The following SASH1 variants were observed in gnomAD, a reference collection of about 807,000 sequenced individuals.
The protein encoded by SASH1 is SAM and SH3 domain-containing protein 1.
Under a neutral mutation model 125.2 loss-of-function variants are expected in SASH1, and 44 were observed. The ratio of observed to expected loss-of-function variants is 0.35; its 90% CI spans 0.28 to 0.45. The LOEUF (loss-of-function observed/expected upper bound fraction) is 0.45. Ranked by LOEUF, SASH1 falls within the 20% of genes least tolerant of loss-of-function variation. SASH1 has a pLI of 1.00. For synonymous variants in SASH1, 639 were observed against 649.1 expected, an observed-to-expected ratio of 0.98 and a Z score of 0.24; for missense variants, 1,426 against 1,614.5, an observed-to-expected ratio of 0.88 and a Z score of 2.00.
chr6:148,250,892 C>T, the SASH1 span, among the ~76,000 whole-genome samples: 1 of 152,150 alleles, frequency 6.6e-6, no homozygotes, highest in Non-Finnish European at 1.5e-5. Flanking sequence ...TTACCAAATC[C>T]TGAACAGCTT....
chr6:148,330,317 T>A (rs994625045), intron 1 of SASH1, among the ~76,000 whole-genome samples: 10 of 152,220 alleles, frequency 6.6e-5, no homozygotes, highest in African/African-American at 2.4e-4. Context: ...TCTATGCACA[T>A]AACACGATGG....
intron 1 of SASH1, among the ~76,000 whole-genome samples, chr6:148,273,527 C>A (rs1779114210): frequency 6.6e-6 from 1 of 151,892 alleles, no homozygotes; most frequent in Non-Finnish European, 1.5e-5. Flanking sequence ...CTCCTGACCC[C>A]AGGTGATCCA....
chr6:148,418,305 G>C (rs1208860461), intron 2 of SASH1, among the ~76,000 whole-genome samples: 1 of 152,106 alleles, frequency 6.6e-6, no homozygotes, highest in African/African-American at 2.4e-5. Context: ...CTTTTCCCTG[G>C]CTGCCTACTC....
At chr6:148,461,775 GGA>G (rs1777622601) in intron 4 of SASH1, among the ~76,000 whole-genome samples, 1 of 152,192 alleles carries the variant, frequency 6.6e-6, no homozygotes, top group Non-Finnish European at 1.5e-5. Flanking sequence ...CTTAAACAGA[GGA>G]GATAGGTTTG....
At chr6:148,209,270 T>C in the SASH1 span, among the ~76,000 whole-genome samples, 2 of 152,238 alleles carry the variant, frequency 1.3e-5, no homozygotes, top group South Asian at 2.1e-4. Context: ...ATAGCTGAAT[T>C]CCTGTCCTGT....
At chr6:148,541,327 C>A (rs1483061863) in intron 17 of SASH1, among the ~76,000 whole-genome samples, 1 of 151,410 alleles carries the variant, frequency 6.6e-6, no homozygotes, top group Non-Finnish European at 1.5e-5. Flanking sequence ...CCTACTAAAG[C>A]AAACTTTTTT....
chr6:148,541,422 G>C (rs1342701100), intron 17 of SASH1, among the ~76,000 whole-genome samples: 2 of 151,972 alleles, frequency 1.3e-5, no homozygotes, highest in Non-Finnish European at 2.9e-5. Flanking sequence ...AGACAAAATA[G>C]AATACAAAAT....
At chr6:148,338,185 G>A (rs575633816), upstream of SASH1, among the ~76,000 whole-genome samples, 45 of 152,292 alleles carry the variant, frequency 3.0e-4, no homozygotes, top group African/African-American at 1.1e-3. Context: ...CACTTTGGGA[G>A]GCCAAGGTGG....
intron 4 of SASH1, among the ~76,000 whole-genome samples, chr6:148,443,100 T>G (rs1003842506): frequency 6.3e-5 from 9 of 142,646 alleles, no homozygotes; most frequent in African/African-American, 2.1e-4. Context: ...ATTGTCCCAA[T>G]AATGTCTCTT....
At chr6:148,329,351 T>G (rs1780923322) in intron 1 of SASH1, among the ~76,000 whole-genome samples, 1 of 152,212 alleles carries the variant, frequency 6.6e-6, no homozygotes, top group Admixed American at 6.5e-5. Flanking sequence ...ATTTCAAACC[T>G]CATTCAGGCC....
chr6:148,215,079 A>G, the SASH1 span, among the ~76,000 whole-genome samples: 4 of 152,154 alleles, frequency 2.6e-5, no homozygotes, highest in Non-Finnish European at 5.9e-5. Flanking sequence ...TGGGATCATC[A>G]TGGGAATTCT....
intron 1 of SASH1, among the ~76,000 whole-genome samples, chr6:148,361,948 C>G (rs1267009065): frequency 3.7e-5 from 5 of 135,484 alleles, no homozygotes; most frequent in Non-Finnish European, 6.1e-5. Context: ...GAGTCTCACT[C>G]TGTCGCCCAG....
chr6:148,400,690 G>A (rs982397725), intron 2 of SASH1, among the ~76,000 whole-genome samples: 1 of 152,188 alleles, frequency 6.6e-6, no homozygotes, highest in African/African-American at 2.4e-5. Flanking sequence ...AGTTGAGGCT[G>A]CAGTGAGCCA....
intron 4 of SASH1, among the ~76,000 whole-genome samples, chr6:148,459,344 G>T (rs139957445): frequency 6.6e-6 from 1 of 152,266 alleles, no homozygotes; most frequent in East Asian, 1.9e-4. Flanking sequence ...CCTGCACTTG[G>T]ATAGTCCTGG....
intron 2 of SASH1, among the ~76,000 whole-genome samples, chr6:148,395,037 G>A (rs543459940): frequency 3.9e-5 from 6 of 152,334 alleles, no homozygotes; most frequent in Admixed American, 2.6e-4. Context: ...GAGGAAATAT[G>A]CAGTAACATA....
intron 1 of SASH1, among the ~76,000 whole-genome samples, chr6:148,349,021 T>C (rs1046223016): frequency 3.3e-5 from 5 of 151,998 alleles, no homozygotes; most frequent in Non-Finnish European, 5.9e-5. Context: ...AAGTAGGAGT[T>C]CCCAGAGAGG....
rs781259997 is a variant in SASH1 at position 148,540,509 on chromosome 6, C to T, written c.2162C>T (p.Ser721Leu). 1.2e-6 allele frequency: 2 copies of T among 1,614,046 alleles called. No homozygotes were observed. The highest frequency in any genetic ancestry group is 1.7e-6 in the Non-Finnish European group (2 of 1,179,982). Residue 721 changes from serine (S) to leucine (L), a missense_variant, in exon 17 of 20, where the codon TCA becomes TTA. Physicochemically the swap from Ser to Leu is moderately radical, Grantham distance 145. Around this residue, in one of 3 missense-constraint regions of SASH1, gnomAD observed 634 missense variants for 694.4 expected, o/e 0.91. Coordinates refer to ENST00000367467, the MANE Select transcript of SASH1 (RefSeq NM_015278.5). ...LVDSQGLSGC[S>L]PRDSGCYESS... The stretch of plus-strand genomic sequence containing the variant: ...GACAGCCAGGGCCTGAGTGGATGCT[C>T]ACCCCGAGACTCAGGATGCTACGAA...
intron 2 of SASH1, among the ~76,000 whole-genome samples, chr6:148,391,462 G>C (rs969672787): frequency 6.8e-6 from 1 of 146,262 alleles, no homozygotes; most frequent in Non-Finnish European, 1.5e-5. Flanking sequence ...ATACAATGCT[G>C]TATCTATATA....
chr6:148,447,443 T>A (rs540706877), intron 4 of SASH1, among the ~76,000 whole-genome samples: 1 of 152,232 alleles, frequency 6.6e-6, no homozygotes. Context: ...CTTTTGATAA[T>A]GTCAGCTTTC....
Sources: gnomAD v4.1 joint callset for allele counts (sites outside exome capture counted in the v4.1 genomes callset) on GRCh38, gnomAD v4.1.1 for gene constraint, gnomAD v4.1.1 regional missense constraint, MANE v1.5 for transcripts, NCBI Gene and HGNC (gene_info 2026-07-23, HGNC 2026-07-21) for gene names.